The following TIAM2 variants were observed in gnomAD, a reference collection of about 807,000 sequenced individuals.
TIAM2 encodes TIAM Rac1 associated GEF 2.
In TIAM2, 80 loss-of-function variants were observed where a neutral mutation model predicts 152.9. The observed-to-expected ratio is 0.52, with a 90% CI of 0.44 to 0.63. The LOEUF is 0.63. TIAM2 is among the 30% of genes least tolerant of loss of function. The pLI, the probability that TIAM2 is intolerant of heterozygous loss-of-function variation, is 0.00. For synonymous variants in TIAM2, 804 were observed against 838.0 expected (o/e 0.96, Z 0.70); for missense variants, 1,965 against 2,120.1 (o/e 0.93, Z 1.44).
chr6:155,238,547 T>C (rs1436003471), intron 15 of TIAM2, among the ~76,000 whole-genome samples: 2 of 152,232 alleles, frequency 1.3e-5, no homozygotes, highest in Non-Finnish European at 2.9e-5. Context: ...TCACCCTTAC[T>C]TGCCCCTTGA....
Position 155,082,666 on chromosome 6 carries a change from CAATA to C in TIAM2, c.-208-7582_-208-7579del, listed in dbSNP as rs200019932. On this transcript the variant is annotated intron_variant, in intron 1 of 26. Coordinates refer to ENST00000682666, the MANE Select transcript of TIAM2 (RefSeq NM_012454.4). ...ACTCCATCTCAACCCAAAAAAACCC[CAATA>C]AATAAATAAATAAATAAATAAATAA... Among the ~76,000 whole-genome samples the C allele has an allele frequency of 8.0e-3, 1,129 of 141,364 alleles. 8 individuals are homozygous for C. The highest frequency in any genetic ancestry group is 0.018 in the Middle Eastern group (5 of 276). The allele number at this position is 141,364 out of a possible 152,430, so 92.7% of individuals were successfully genotyped here.
chr6:155,245,825 T>C (rs1783294762), intron 19 of TIAM2, 94 bp downstream of exon 19: 1 of 867,634 alleles, frequency 1.2e-6, no homozygotes, highest in Middle Eastern at 2.9e-4. Context: ...AGAGAGTAAG[T>C]ACAATTTTGA....
At position 155,047,702 on chromosome 6, in the gene TIAM2, A is replaced by AG. The variant is rs1562300196; in HGVS notation, c.-208-42586dup. ...AGAGAGAGAGAGGAGAGAGAGAGAG[A>AG]GAGCGAGAGAGAGAGAGAGAGAGCG... On this transcript the variant is annotated intron_variant, in intron 1 of 26. Transcript: ENST00000682666. Among the ~76,000 whole-genome samples the AG allele has an allele frequency of 4.2e-3, 106 of 25,536 alleles. 2 individuals carry two copies. Among genetic ancestry groups the AG allele is most frequent in the African/African-American group, 0.017 (103 of 5,916 alleles). The allele number at this position is 25,536 out of a possible 152,430, so 16.8% of individuals were successfully genotyped here.
intron 2 of TIAM2, among the ~76,000 whole-genome samples, chr6:155,095,276 T>G (rs879646980): frequency 1.8e-4 from 28 of 152,248 alleles, no homozygotes; most frequent in African/African-American, 6.8e-4. Flanking sequence ...GTTTTAGGAC[T>G]CTGTTCTTTG....
rs758154660 is a variant in TIAM2, at chr6:155,129,857, C to T, written c.634C>T (p.Pro212Ser). The change falls in exon 4 of 27, where the codon CCT becomes TCT. Residue 212 changes from proline to serine, a missense_variant. This residue lies in a region of TIAM2 where 1,025 missense variants were observed against 1,119.4 expected (regional missense o/e 0.92). Coordinates refer to ENST00000682666, the MANE Select transcript of TIAM2 (RefSeq NM_012454.4). The surrounding 1 kb of genome is among the most constrained non-coding windows in gnomAD (Gnocchi z 4.8). ...PTLASETSPV[P>S]EARRGSSADS... is the part of the protein sequence containing the mutation. ...CTTAGCATCGGAAACCTCCCCTGTG[C>T]CTGAAGCCAGGAGGGGGTCCAGCGC... is the stretch of plus-strand genomic sequence containing the variant. The T allele has an allele frequency of 6.8e-6, 11 of 1,613,722 alleles. No homozygotes were observed. The highest frequency in any genetic ancestry group is 9.3e-6 in the Non-Finnish European group (11 of 1,180,034).
At chr6:155,025,045 G>A (rs1302412369) in intron 1 of TIAM2, among the ~76,000 whole-genome samples, 1 of 152,022 alleles carries the variant, frequency 6.6e-6, no homozygotes, top group Non-Finnish European at 1.5e-5. Context: ...TTTATTTTTA[G>A]AGACGGAGTC....
chr6:155,082,415 C>G (rs1475997500), intron 1 of TIAM2, among the ~76,000 whole-genome samples: 1 of 151,994 alleles, frequency 6.6e-6, no homozygotes, highest in Non-Finnish European at 1.5e-5. Context: ...CTTTGGGAGG[C>G]TGAGGTGGGT....
At position 155,182,207 on chromosome 6, in the gene TIAM2, C is replaced by G. The variant is rs376422501; in HGVS notation, c.2708-19C>G. ...GTGGTGGGCTGAGACTTGCTTTTTC[C>G]TTTTGTTTTCATTCCTAGGGTTTGC... On this transcript the variant is annotated intron_variant, in intron 12 of 26. Transcript: ENST00000682666. 8 of 1,610,680 alleles carry G rather than the reference C, an allele frequency of 5.0e-6. No homozygotes were observed. The highest frequency in any genetic ancestry group is 5.9e-6 in the Non-Finnish European group (7 of 1,177,378).
intron 1 of TIAM2, among the ~76,000 whole-genome samples, chr6:155,072,687 C>T (rs113605834): frequency 0.011 from 1,645 of 152,038 alleles, 35 homozygotes; most frequent in African/African-American, 0.038. Context: ...TCTTGGTTGT[C>T]GTCAATGATA....
intron 5 of TIAM2, among the ~76,000 whole-genome samples, chr6:155,144,075 T>C (rs900403482): frequency 1.3e-5 from 2 of 152,208 alleles, no homozygotes; most frequent in African/African-American, 4.8e-5. Flanking sequence ...AGCAGGTGGA[T>C]TACCATGCTC....
At chr6:155,250,471 G>A in intron 21 of TIAM2, 6 of 1,345,158 alleles carry the variant, frequency 4.5e-6, no homozygotes, top group Non-Finnish European at 6.1e-6. Context: ...AAAATGGCAG[G>A]AACAGGAAAG....
At chr6:155,052,486 G>T (rs1777339717) in intron 1 of TIAM2, among the ~76,000 whole-genome samples, 1 of 151,864 alleles carries the variant, frequency 6.6e-6, no homozygotes, top group Non-Finnish European at 1.5e-5. Context: ...GATAGCCTGG[G>T]CTGTCACGGT....
rs886878186 is a variant in TIAM2, at chr6:155,186,903, T to C, written c.3064+3403T>C. Among the ~76,000 whole-genome samples the C allele has an allele frequency of 1.3e-5, 2 of 152,206 alleles. No homozygotes were observed. The highest frequency in any genetic ancestry group is 4.8e-5 in the African/African-American group (2 of 41,440). On this transcript the variant is annotated intron_variant, in intron 14 of 26. Transcript: ENST00000682666. This position sits in a 1 kb window ranked among gnomAD's most constrained non-coding sequence, Gnocchi z 4.5. Reference sequence around the variant, plus strand: ...CCCTAAATTTCACTTTCCCTTGGCATTGCTAGAAGGCAACCATGTACTTGA... The same window carrying C: ...CCCTAAATTTCACTTTCCCTTGGCACTGCTAGAAGGCAACCATGTACTTGA...
At chr6:155,010,740 T>C (rs534279744) in intron 1 of TIAM2, among the ~76,000 whole-genome samples, 2 of 149,060 alleles carry the variant, frequency 1.3e-5, no homozygotes, top group Admixed American at 6.7e-5. Context: ...CATGAGCCAC[T>C]GCGCCCAGCT....
chr6:155,007,789 G>A (rs1778424584), intron 1 of TIAM2, among the ~76,000 whole-genome samples: 1 of 152,164 alleles, frequency 6.6e-6, no homozygotes, highest in Non-Finnish European at 1.5e-5. Context: ...ACTGTCATCA[G>A]TTTCACCCTG....
At chr6:155,105,111 C>T (rs1778651683) in intron 2 of TIAM2, among the ~76,000 whole-genome samples, 2 of 152,028 alleles carry the variant, frequency 1.3e-5, no homozygotes, top group Admixed American at 6.6e-5. Flanking sequence ...CATGCACTAC[C>T]ACACCTGGCT....
At chr6:155,026,215 G>C (rs977702675) in intron 1 of TIAM2, among the ~76,000 whole-genome samples, 2 of 152,140 alleles carry the variant, frequency 1.3e-5, no homozygotes, top group African/African-American at 4.8e-5. Context: ...TTTAAGACCT[G>C]GGTAAGCTGT....
At chr6:155,022,675 G>T (rs1400317624) in intron 1 of TIAM2, 1 of 152,160 alleles carries the variant, frequency 6.6e-6, no homozygotes, top group Non-Finnish European at 1.5e-5. Flanking sequence ...AGCAACAGGG[G>T]GCCTGAGTTG....
chr6:155,088,712 A>C (rs543787846), intron 1 of TIAM2, among the ~76,000 whole-genome samples: 1 of 152,236 alleles, frequency 6.6e-6, no homozygotes, highest in African/African-American at 2.4e-5. Context: ...TGTCCAACCC[A>C]TGGCCTGTGG....
Sources: gnomAD v4.1 joint callset for allele counts (sites outside exome capture counted in the v4.1 genomes callset) on GRCh38, gnomAD v4.1.1 for gene constraint, gnomAD v4.1.1 regional missense constraint, Gnocchi (gnomAD v3.1) non-coding constraint, MANE v1.5 for transcripts, NCBI Gene and HGNC (gene_info 2026-07-23, HGNC 2026-07-21) for gene names.